The following RAP1GDS1 variants were observed in gnomAD, a reference collection of about 807,000 sequenced individuals.
RAP1GDS1 encodes Rap1 GTPase-GDP dissociation stimulator 1, also known as RAP1, GTP-GDP dissociation stimulator 1.
Under a neutral mutation model 71.1 loss-of-function variants are expected in RAP1GDS1, and 35 were observed. That is an observed-to-expected ratio of 0.49 (90% CI 0.38 to 0.65). The LOEUF is 0.65. RAP1GDS1 is among the 30% of genes least tolerant of loss of function. The pLI, the probability that RAP1GDS1 is intolerant of heterozygous loss-of-function variation, is 0.00. For missense variants in RAP1GDS1, 663 were observed against 706.1 expected (o/e 0.94, Z 0.69); for synonymous variants, 229 against 243.1 (o/e 0.94, Z 0.54).
intron 1 of RAP1GDS1, among the ~76,000 whole-genome samples, chr4:98,275,299 T>C (rs2110239141): frequency 6.6e-6 from 1 of 152,296 alleles, no homozygotes; most frequent in East Asian, 1.9e-4. Flanking sequence ...AACAGTATAC[T>C]ATGGTTTTTG....
At chr4:98,350,754 T>G (rs1737061023) in intron 3 of RAP1GDS1, among the ~76,000 whole-genome samples, 1 of 152,044 alleles carries the variant, frequency 6.6e-6, no homozygotes, top group Admixed American at 6.5e-5. Context: ...AGAAGAATCA[T>G]TTGAACCCAG....
At chr4:98,329,788 C>CAAAAAA (rs34140500) in intron 2 of RAP1GDS1, among the ~76,000 whole-genome samples, 1 of 43,412 alleles carries the variant, frequency 2.3e-5, no homozygotes, top group Non-Finnish European at 4.9e-5. Flanking sequence ...GACTCCATCT[C>CAAAAAA]AAAAAAAAAA....
chr4:98,387,457 C>A, intron 5 of RAP1GDS1: 1 of 456,002 alleles, frequency 2.2e-6, no homozygotes, highest in South Asian at 1.5e-5. Flanking sequence ...TTGGAGTTTC[C>A]ATGAGTGTGA....
intron 2 of RAP1GDS1, among the ~76,000 whole-genome samples, chr4:98,312,446 A>G (rs1730369546): frequency 6.6e-6 from 1 of 152,066 alleles, no homozygotes; most frequent in South Asian, 2.1e-4. Flanking sequence ...TCCCTAACAA[A>G]TCCTCTGTAT....
chr4:98,382,326 A>G (rs12331722), intron 5 of RAP1GDS1, among the ~76,000 whole-genome samples: 8,063 of 151,646 alleles, frequency 0.053, 533 homozygotes, highest in African/African-American at 0.16. Context: ...AACTTTAGTA[A>G]AAATTGTTTT....
At chr4:98,291,248 T>G (rs1726865681) in intron 1 of RAP1GDS1, among the ~76,000 whole-genome samples, 1 of 152,150 alleles carries the variant, frequency 6.6e-6, no homozygotes, top group Non-Finnish European at 1.5e-5. Flanking sequence ...TTTAACCCTT[T>G]GAAGATGTCA....
intron 6 of RAP1GDS1, among the ~76,000 whole-genome samples, chr4:98,402,967 G>A (rs889075657): frequency 6.6e-6 from 1 of 152,148 alleles, no homozygotes; most frequent in Non-Finnish European, 1.5e-5. Context: ...GTATGAGAAA[G>A]TAATAGAGTA....
chr4:98,272,109 C>T (rs949636549), intron 1 of RAP1GDS1, among the ~76,000 whole-genome samples: 9 of 152,106 alleles, frequency 5.9e-5, no homozygotes, highest in African/African-American at 1.9e-4. Flanking sequence ...CCATAAAGGA[C>T]CAGATGATAA....
In RAP1GDS1 at chr4:98,424,634, G is replaced by A. The variant is rs991231885; in HGVS notation, c.1440+3240G>A. Among the ~76,000 whole-genome samples, 11 of 152,134 alleles carry A rather than the reference G, an allele frequency of 7.2e-5. No individual in the cohort carries two copies. In the East Asian group the frequency reaches 1.6e-3, roughly 21 times the overall value. On this transcript the variant is annotated intron_variant, in intron 12 of 14. Coordinates refer to ENST00000408927, the MANE Select transcript of RAP1GDS1 (RefSeq NM_001100427.2). ...AAATTAGCCAGGCATGGTGGCGTGC[G>A]CCTGTAATCCCAGCTACTGGGGAGG...
intron 2 of RAP1GDS1, among the ~76,000 whole-genome samples, chr4:98,305,770 T>C (rs1015704015): frequency 1.3e-5 from 2 of 152,252 alleles, no homozygotes; most frequent in Admixed American, 1.3e-4. Context: ...TAGTTGGTGA[T>C]TGAAGCCTTG....
chr4:98,377,149 A>G (rs1258819855), intron 4 of RAP1GDS1, among the ~76,000 whole-genome samples: 1 of 151,928 alleles, frequency 6.6e-6, no homozygotes, highest in Non-Finnish European at 1.5e-5. Context: ...GTCTTCTTCT[A>G]AGTAAGTCCT....
In RAP1GDS1 at chr4:98,347,344, A is replaced by G. The variant is rs190593210; in HGVS notation, c.235+4083A>G. On this transcript the variant is annotated intron_variant, in intron 3 of 14. Coordinates refer to ENST00000408927, the MANE Select transcript of RAP1GDS1 (RefSeq NM_001100427.2). Reference sequence around the variant, plus strand: ...AGTAAAGCGTTAACACTCTAAATTTACAAAAGAATAAAAAATAATCGACAA... The same window carrying G: ...AGTAAAGCGTTAACACTCTAAATTTGCAAAAGAATAAAAAATAATCGACAA... Among the ~76,000 whole-genome samples, 542 of 152,352 alleles carry G rather than the reference A, an allele frequency of 3.6e-3. 3 individuals are homozygous for G. Among genetic ancestry groups the G allele is most frequent in the African/African-American group, 0.012 (508 of 41,578 alleles).
intron 2 of RAP1GDS1, among the ~76,000 whole-genome samples, chr4:98,302,669 G>A (rs1050826067): frequency 2.6e-5 from 4 of 152,324 alleles, no homozygotes; most frequent in East Asian, 3.9e-4. Context: ...AAGACATAGT[G>A]TAGGAAAACT....
Position 98,442,801 on chromosome 4 carries a change from G to C in RAP1GDS1, c.*684G>C, listed in dbSNP as rs1409865086. 4.4e-6 allele frequency: 1 copy of C among 229,566 alleles called. No homozygotes were observed. The highest frequency in any genetic ancestry group is 8.6e-6 in the Non-Finnish European group (1 of 115,912). 14.2% of individuals were successfully genotyped at this position (229,566 alleles called of 1,614,324 possible). On this transcript the variant is annotated 3_prime_UTR_variant, in exon 15 of 15. Coordinates refer to ENST00000408927, the MANE Select transcript of RAP1GDS1 (RefSeq NM_001100427.2). Reference sequence around the variant, plus strand: ...TATTGAAAAACATTTGTAGTTTTCAGTGTGAAACTAAGGGGTTGAAGAATC... The same window carrying C: ...TATTGAAAAACATTTGTAGTTTTCACTGTGAAACTAAGGGGTTGAAGAATC...
intron 6 of RAP1GDS1, among the ~76,000 whole-genome samples, chr4:98,400,437 G>T (rs1578741241): frequency 6.7e-6 from 1 of 148,638 alleles, no homozygotes; most frequent in Non-Finnish European, 1.5e-5. Flanking sequence ...GGAACTGGAA[G>T]ACATTATGTT....
intron 14 of RAP1GDS1, among the ~76,000 whole-genome samples, chr4:98,440,049 C>G (rs1751683169): frequency 6.6e-6 from 1 of 152,230 alleles, no homozygotes; most frequent in African/African-American, 2.4e-5. Context: ...TCTCCATCAT[C>G]TGACAACTCT....
intron 2 of RAP1GDS1, among the ~76,000 whole-genome samples, chr4:98,314,477 A>G (rs1278341120): frequency 2.0e-5 from 3 of 152,222 alleles, no homozygotes; most frequent in Non-Finnish European, 4.4e-5. Context: ...CTACTGCAAC[A>G]TCAATACATG....
chr4:98,275,900 A>T (rs1724126796), intron 1 of RAP1GDS1, among the ~76,000 whole-genome samples: 1 of 151,932 alleles, frequency 6.6e-6, no homozygotes, highest in Non-Finnish European at 1.5e-5. Context: ...TCTTCTTGAG[A>T]CTACACTACC....
intron 12 of RAP1GDS1, among the ~76,000 whole-genome samples, chr4:98,426,363 A>G (rs1293697715): frequency 6.6e-6 from 1 of 152,150 alleles, no homozygotes; most frequent in Non-Finnish European, 1.5e-5. Flanking sequence ...AAGAAAGGAA[A>G]TAACCAAGAT....
Sources: gnomAD v4.1 joint callset for allele counts (sites outside exome capture counted in the v4.1 genomes callset) on GRCh38, gnomAD v4.1.1 for gene constraint, MANE v1.5 for transcripts, NCBI Gene and HGNC (gene_info 2026-07-23, HGNC 2026-07-21) for gene names.